Variants in LMAN1 observed in about 807,000 individuals in gnomAD.
The protein encoded by LMAN1 is lectin, mannose binding 1.
A neutral mutation model predicts 67.8 loss-of-function variants in LMAN1; 32 were observed. That is an observed-to-expected ratio of 0.47 (90% CI 0.36 to 0.63). The LOEUF (loss-of-function observed/expected upper bound fraction) is 0.63. LMAN1 is among the 30% of genes least tolerant of loss of function. LMAN1 has a pLI of 0.00. For missense variants in LMAN1, 632 were observed against 628.2 expected, an observed-to-expected ratio of 1.01 and a Z score of -0.06; for synonymous variants, 235 against 219.3, an observed-to-expected ratio of 1.07 and a Z score of -0.63.
At chr18:59,335,535 G>C (rs570486467) in intron 10 of LMAN1, among the ~76,000 whole-genome samples, 1 of 152,274 alleles carries the variant, frequency 6.6e-6, no homozygotes, top group Non-Finnish European at 1.5e-5. Context: ...GTTACCAAGA[G>C]GGAATGGGTG....
At chr18:59,356,725 G>A in intron 1 of LMAN1, among the ~76,000 whole-genome samples, 1 of 152,204 alleles carries the variant, frequency 6.6e-6, no homozygotes, top group Middle Eastern at 3.2e-3. Context: ...ACCTAGATTT[G>A]AGTTCAACTT....
In LMAN1 at chr18:59,346,209, C is replaced by CTTTTT. The variant is rs370183077; in HGVS notation, c.823-163_823-159dup. The stretch of plus-strand genomic sequence containing the variant: ...TTTACTTAAACGATAGCAAATTACT[C>CTTTTT]TTTTTTTTTTTTTTTTTTTTTTTTT... On this transcript the variant is annotated intron_variant, in intron 7 of 12. Transcript: ENST00000251047. Among the ~76,000 whole-genome samples the CTTTTT allele has an allele frequency of 9.7e-5, 6 of 61,608 alleles. 1 individual carries two copies. The highest frequency in any genetic ancestry group is 1.6e-4 in the Non-Finnish European group (5 of 30,720). 40.4% of individuals were successfully genotyped at this position (61,608 alleles called of 152,430 possible).
rs1212863762 is a variant in LMAN1 at position 59,338,914 on chromosome 18, C to G, written c.995G>C (p.Arg332Thr). Residue 332 changes from arginine to threonine, a missense_variant, in exon 9 of 13, where the codon AGA becomes ACA. Arg to Thr is a moderately conservative substitution (Grantham distance 71). Coordinates refer to ENST00000251047, the MANE Select transcript of LMAN1 (RefSeq NM_005570.4). ...IFESVGDREL[R>T]QVFEGQNRIH... ...ACGATTCTGTCCTTCAAAGACTTGTCTTAGCTCTCGATCTCCTACACTCTC... is the reference window on the plus strand; with the variant it reads ...ACGATTCTGTCCTTCAAAGACTTGTGTTAGCTCTCGATCTCCTACACTCTC... 3.1e-6 allele frequency: 5 copies of G among 1,613,394 alleles called. No homozygotes were observed. The highest frequency in any genetic ancestry group is 4.2e-6 in the Non-Finnish European group (5 of 1,179,972).
intron 5 of LMAN1, 61 bp from the exon 6 acceptor site, chr18:59,349,297 G>T (rs187985174): frequency 1.4e-6 from 2 of 1,469,060 alleles, no homozygotes; most frequent in African/African-American, 1.4e-5. Flanking sequence ...AATTTCAATC[G>T]ATCCATTTTA....
At chr18:59,350,047 T>A (rs963328219) in intron 5 of LMAN1, among the ~76,000 whole-genome samples, 1 of 152,160 alleles carries the variant, frequency 6.6e-6, no homozygotes, top group African/African-American at 2.4e-5. Flanking sequence ...ACTTCTAGAG[T>A]CAAAATTTTG....
chr18:59,351,522 T>C (rs1908543023), intron 5 of LMAN1: 1 of 152,114 alleles, frequency 6.6e-6, no homozygotes, highest in Non-Finnish European at 1.5e-5. Context: ...CTCATAGACA[T>C]TAGGTGAAAA....
At chr18:59,349,930 A>T (rs893718005) in intron 5 of LMAN1, among the ~76,000 whole-genome samples, 9 of 152,178 alleles carry the variant, frequency 5.9e-5, no homozygotes, top group African/African-American at 2.2e-4. Flanking sequence ...AATACATTTC[A>T]TTTCTAATAA....
rs1294527089 is a variant in LMAN1 at position 59,330,166 on chromosome 18, C to T, written c.*927G>A. The stretch of plus-strand genomic sequence containing the variant: ...AGAGTATGCAAATGGTCACTAACCC[C>T]AGCCAGCATGAAGTAACTAATGTAA... On this transcript the variant is annotated 3_prime_UTR_variant, in exon 13 of 13. Coordinates refer to ENST00000251047, the MANE Select transcript of LMAN1 (RefSeq NM_005570.4). 1 of 152,592 alleles carries T rather than the reference C, an allele frequency of 6.6e-6. No individual in the cohort carries two copies. The highest frequency in any genetic ancestry group is 1.5e-5 in the Non-Finnish European group (1 of 68,024). 9.5% of individuals were successfully genotyped at this position (152,592 alleles called of 1,614,324 possible).
intron 1 of LMAN1, among the ~76,000 whole-genome samples, chr18:59,357,971 A>AT (rs1284426586): frequency 6.6e-6 from 1 of 151,428 alleles, no homozygotes; most frequent in Non-Finnish European, 1.5e-5. Flanking sequence ...AGTAAAAAAA[A>AT]AAAAAAAAAA....
intron 8 of LMAN1, among the ~76,000 whole-genome samples, chr18:59,345,070 T>C (rs1320662353): frequency 1.3e-5 from 2 of 152,226 alleles, no homozygotes; most frequent in Non-Finnish European, 2.9e-5. Flanking sequence ...AGCTTCAGGA[T>C]ATACTCACAA....
At chr18:59,346,848 C>T (rs982403775) in intron 7 of LMAN1, among the ~76,000 whole-genome samples, 2 of 152,044 alleles carry the variant, frequency 1.3e-5, no homozygotes, top group Non-Finnish European at 2.9e-5. Flanking sequence ...TAACCACTAC[C>T]ATTTACTGAG....
chr18:59,350,335 A>C (rs946656154), intron 5 of LMAN1, among the ~76,000 whole-genome samples: 9 of 152,208 alleles, frequency 5.9e-5, no homozygotes, highest in Non-Finnish European at 1.3e-4. Flanking sequence ...TAGAATCAAC[A>C]ATCAGGAAGT....
At chr18:59,337,782 A>C (rs1239361090) in intron 10 of LMAN1, among the ~76,000 whole-genome samples, 1 of 152,222 alleles carries the variant, frequency 6.6e-6, no homozygotes. Context: ...TTATAAGTTA[A>C]GTGCCTTTAA....
chr18:59,339,543 T>A (rs764533347), intron 8 of LMAN1, among the ~76,000 whole-genome samples: 3 of 152,148 alleles, frequency 2.0e-5, no homozygotes, highest in African/African-American at 7.2e-5. Context: ...GCTGGACATA[T>A]GGAACTGCCT....
At position 59,333,223 on chromosome 18, in the gene LMAN1, G is replaced by A. The variant is rs776735089; in HGVS notation, c.1242C>T (p.Val414=). 1.9e-6 allele frequency: 3 copies of A among 1,613,330 alleles called. No homozygotes were observed. Among genetic ancestry groups the A allele is most frequent in the Non-Finnish European group, 1.7e-6 (2 of 1,179,650 alleles). Residue 414 remains valine (V), a synonymous_variant, in exon 11 of 13, where the codon GTC becomes GTT. Coordinates refer to ENST00000251047, the MANE Select transcript of LMAN1 (RefSeq NM_005570.4). ...GGTGCTGCATTCCACTGACCAGTCTGACGGTTTCACTCATGGAATTTCTGA... is the reference window on the plus strand; with the variant it reads ...GGTGCTGCATTCCACTGACCAGTCTAACGGTTTCACTCATGGAATTTCTGA... ...NEMKNSMSET[V]RLVSGMQHPG...
intron 4 of LMAN1, among the ~76,000 whole-genome samples, chr18:59,353,599 A>C (rs1041990118): frequency 6.6e-6 from 1 of 152,198 alleles, no homozygotes; most frequent in South Asian, 2.1e-4. Flanking sequence ...AGTTATGATG[A>C]ACTACCAGGG....
At chr18:59,334,260 CTCAG>C (rs1908093324) in intron 10 of LMAN1, among the ~76,000 whole-genome samples, 1 of 152,206 alleles carries the variant, frequency 6.6e-6, no homozygotes, top group Non-Finnish European at 1.5e-5. Context: ...TTTGCTCCTA[CTCAG>C]TCATTCATTC....
At chr18:59,354,873 GATC>G (rs2144232731) in intron 3 of LMAN1, among the ~76,000 whole-genome samples, 2 of 152,294 alleles carry the variant, frequency 1.3e-5, no homozygotes, top group South Asian at 2.1e-4. Flanking sequence ...TTTTAGGAGA[GATC>G]ATCAGAAAAA....
In LMAN1 at chr18:59,330,866, T is replaced by C; in HGVS notation, c.*227A>G. ...AATATTCTGCTCAGAGGCTGCATCA[T>C]ACTGACCAGAAATTCACTGAAATTT... On this transcript the variant is annotated 3_prime_UTR_variant, in exon 13 of 13. Coordinates refer to ENST00000251047, the MANE Select transcript of LMAN1 (RefSeq NM_005570.4). The C allele has an allele frequency of 5.4e-6, 3 of 551,026 alleles. No homozygotes were observed. Among genetic ancestry groups the C allele is most frequent in the South Asian group, 2.4e-5 (1 of 42,330 alleles). 34.1% of individuals were successfully genotyped at this position (551,026 alleles called of 1,614,324 possible).
Sources: allele counts gnomAD v4.1 joint callset (sites outside exome capture counted in the v4.1 genomes callset), GRCh38; gene constraint gnomAD v4.1.1; transcripts MANE v1.5; gene names NCBI Gene and HGNC (gene_info 2026-07-23, HGNC 2026-07-21).